KCNJ15: variants seen among roughly 807,000 people sequenced by gnomAD.
KCNJ15 encodes the protein ATP-sensitive inward rectifier potassium channel 15.
A neutral mutation model predicts 23.0 loss-of-function variants in KCNJ15; 14 were observed. The observed-to-expected ratio is 0.61, with a 90% CI of 0.40 to 0.95. KCNJ15 has a LOEUF of 0.95. KCNJ15 is among the 40% of genes least tolerant of loss of function. The pLI is 0.00. For missense variants in KCNJ15, 388 were observed against 461.8 expected (o/e 0.84, Z 1.46); for synonymous variants, 185 against 183.2 (o/e 1.01, Z -0.08).
chr21:38,300,264 A>G lies in KCNJ15; in HGVS notation c.1003A>G (p.Lys335Glu), dbSNP rs1350888816. 1.2e-6 allele frequency: 2 copies of G among 1,614,114 alleles called. No homozygotes were observed. The highest frequency in any genetic ancestry group is 1.3e-5 in the African/African-American group (1 of 74,940). The change falls in exon 3 of 3, where the codon AAA (lysine) becomes GAA (glutamate). Residue 335 changes from lysine (K) to glutamate (E), a missense_variant. Coordinates refer to ENST00000398938, the MANE Select transcript of KCNJ15 (RefSeq NM_170736.3). ...TTTCAGTCAGTTTGAACAGATTCGG[A>G]AAAGCCCAGATTGCACATTTTACTG... ...ADFSQFEQIR[K>E]SPDCTFYCAD...
chr21:38,232,343 CTT>C (rs1190766288), intron 1 of KCNJ15, among the ~76,000 whole-genome samples: 1 of 151,180 alleles, frequency 6.6e-6, no homozygotes, highest in African/African-American at 2.4e-5. Context: ...CTCTTTTTTT[CTT>C]AGTCAATCAA....
intron 1 of KCNJ15, among the ~76,000 whole-genome samples, chr21:38,246,856 A>G (rs1356743275): frequency 6.6e-6 from 1 of 152,242 alleles, no homozygotes; most frequent in African/African-American, 2.4e-5. Context: ...TACTGTTCAT[A>G]ATAGAATAAA....
intron 1 of KCNJ15, among the ~76,000 whole-genome samples, chr21:38,249,187 T>C (rs775242028): frequency 1.3e-5 from 2 of 152,142 alleles, no homozygotes; most frequent in Non-Finnish European, 2.9e-5. Context: ...AAATGAGATT[T>C]GACTGGCAAG....
intron 2 of KCNJ15, chr21:38,298,197 G>A (rs998946008): frequency 6.6e-6 from 1 of 152,150 alleles, no homozygotes; most frequent in Non-Finnish European, 1.5e-5. Flanking sequence ...AGATGCTAGG[G>A]GCCTCACAGA....
rs1423637607 is a variant in KCNJ15 at position 38,301,768 on chromosome 21, T to C, written c.*1379T>C. 6.0e-6 allele frequency: 1 copy of C among 167,090 alleles called. No individual in the cohort carries two copies. The highest frequency in any genetic ancestry group is 1.9e-4 in the East Asian group (1 of 5,192). 10.4% of individuals were successfully genotyped at this position (167,090 alleles called of 1,614,324 possible). A position where few individuals can be genotyped will look rare whatever the true frequency, so the allele number is the denominator to read the frequency against. On this transcript the variant is annotated 3_prime_UTR_variant, in exon 3 of 3. Coordinates refer to ENST00000398938, the MANE Select transcript of KCNJ15 (RefSeq NM_170736.3). Reference sequence around the variant, plus strand: ...CCCCGGGCCAAATTCAGGGGTCTAGTGCCCTGCATTCCTTTGAGGCAAAAA... The same window carrying C: ...CCCCGGGCCAAATTCAGGGGTCTAGCGCCCTGCATTCCTTTGAGGCAAAAA...
chr21:38,307,334 A>G lies in KCNJ15; in HGVS notation c.*6945A>G, dbSNP rs1463688183. 2.6e-5 allele frequency: 4 copies of G among 152,174 alleles called. No individual in the cohort carries two copies. Among genetic ancestry groups the G allele is most frequent in the Non-Finnish European group, 5.9e-5 (4 of 68,034 alleles). 9.4% of individuals were successfully genotyped at this position (152,174 alleles called of 1,614,324 possible). A position where few individuals can be genotyped will look rare whatever the true frequency, so the allele number is the denominator to read the frequency against. ...AACTTGTGAAACAATGGCAAACACT[A>G]TAAAGCTAATTTTACAGTCTTGAGT... is the stretch of plus-strand genomic sequence containing the variant. On this transcript the variant is annotated 3_prime_UTR_variant, in exon 3 of 3. Transcript: ENST00000398938.
At chr21:38,277,999 G>A (rs1308051182) in intron 1 of KCNJ15, among the ~76,000 whole-genome samples, 3 of 152,170 alleles carry the variant, frequency 2.0e-5, no homozygotes, top group Non-Finnish European at 4.4e-5. Flanking sequence ...AACTTCTAGG[G>A]AACACTGACT....
rs376208976 is a variant in KCNJ15, at chr21:38,300,107, C to T, written c.846C>T (p.Leu282=). ...LKEKEFELVV[L]LNATVESTSA... ...AGAAGGAGTTTGAGCTTGTGGTCCTCCTCAATGCCACTGTGGAATCCACCA... is the reference window on the plus strand; with the variant it reads ...AGAAGGAGTTTGAGCTTGTGGTCCTTCTCAATGCCACTGTGGAATCCACCA... Residue 282 remains leucine (L), a synonymous_variant, in exon 3 of 3, where the codon CTC becomes CTT. Transcript: ENST00000398938. 6.2e-7 allele frequency: 1 copy of T among 1,614,180 alleles called. No individual in the cohort carries two copies. The highest frequency in any genetic ancestry group is 8.5e-7 in the Non-Finnish European group (1 of 1,180,034).
At chr21:38,294,809 C>T (rs1437135492) in intron 1 of KCNJ15, among the ~76,000 whole-genome samples, 2 of 152,126 alleles carry the variant, frequency 1.3e-5, no homozygotes, top group African/African-American at 4.8e-5. Flanking sequence ...AACTAATGCT[C>T]ACAGCATAAG....
At chr21:38,232,857 T>A (rs1978362817) in intron 1 of KCNJ15, among the ~76,000 whole-genome samples, 1 of 152,038 alleles carries the variant, frequency 6.6e-6, no homozygotes, top group Admixed American at 6.5e-5. Context: ...AGGCTTGTTT[T>A]ATGGCCTAGC....
intron 1 of KCNJ15, among the ~76,000 whole-genome samples, chr21:38,247,325 AATGGATGGATGGATAGATGCATAGGTGG>A (rs1367921697): frequency 2.2e-5 from 2 of 90,330 alleles, no homozygotes; most frequent in Non-Finnish European, 4.6e-5. Context: ...TCGATGGGTA[AATGGATGGATGGATAGATGCATAGGTGG>A]ATGGATGGAT....
intron 1 of KCNJ15, among the ~76,000 whole-genome samples, chr21:38,265,461 T>G (rs949523780): frequency 2.6e-5 from 4 of 152,242 alleles, no homozygotes; most frequent in African/African-American, 9.6e-5. Context: ...AGCACTTTGC[T>G]TAGTTTTCAG....
chr21:38,255,497 G>A (rs1980142906), upstream of KCNJ15, among the ~76,000 whole-genome samples: 1 of 152,136 alleles, frequency 6.6e-6, no homozygotes, highest in Non-Finnish European at 1.5e-5. Context: ...GAACCCCTGG[G>A]AGCCCAGTGT....
chr21:38,298,996 CTT>C (rs1985458468), intron 2 of KCNJ15, among the ~76,000 whole-genome samples: 1 of 152,178 alleles, frequency 6.6e-6, no homozygotes, highest in Non-Finnish European at 1.5e-5. Context: ...GGTTAAATAG[CTT>C]TCTGCAGGTC....
chr21:38,258,133 C>T (rs186911951), intron 1 of KCNJ15, among the ~76,000 whole-genome samples: 1 of 151,698 alleles, frequency 6.6e-6, no homozygotes, highest in Non-Finnish European at 1.5e-5. Context: ...CTCAAGATCA[C>T]AAGCACACAC....
chr21:38,247,722 A>G (rs1272787456), intron 1 of KCNJ15, among the ~76,000 whole-genome samples: 1 of 152,210 alleles, frequency 6.6e-6, no homozygotes, highest in Admixed American at 6.5e-5. Context: ...TAGCCTTATG[A>G]TGAAAGATTG....
At chr21:38,287,924 AGTTTCTATAT>A (rs1984081917) in intron 1 of KCNJ15, among the ~76,000 whole-genome samples, 1 of 151,876 alleles carries the variant, frequency 6.6e-6, no homozygotes, top group Non-Finnish European at 1.5e-5. Flanking sequence ...ACTGCGATAC[AGTTTCTATAT>A]CAGAGAAATG....
upstream of KCNJ15, among the ~76,000 whole-genome samples, chr21:38,253,865 G>A (rs1350598645): frequency 6.6e-6 from 1 of 152,188 alleles, no homozygotes; most frequent in East Asian, 1.9e-4. Flanking sequence ...TCCGTTAACT[G>A]TGGAGGTGGG....
At chr21:38,297,361 A>C (rs1236056968) in intron 2 of KCNJ15, among the ~76,000 whole-genome samples, 1 of 152,242 alleles carries the variant, frequency 6.6e-6, no homozygotes, top group Non-Finnish European at 1.5e-5. Context: ...CTGCCTTCAT[A>C]AAAACAGGGC....
Sources: allele counts gnomAD v4.1 joint callset (sites outside exome capture counted in the v4.1 genomes callset), GRCh38; gene constraint gnomAD v4.1.1; transcripts MANE v1.5; gene names NCBI Gene and HGNC (gene_info 2026-07-23, HGNC 2026-07-21).